PIAS2: variants seen among roughly 807,000 people sequenced by gnomAD.
PIAS2 encodes the protein E3 SUMO-protein ligase PIAS2.
A neutral mutation model predicts 69.7 loss-of-function variants in PIAS2; 19 were observed. The ratio of observed to expected loss-of-function variants is 0.27; its 90% CI spans 0.19 to 0.40. The LOEUF is 0.40. Ranked by LOEUF, PIAS2 falls within the 10% of genes least tolerant of loss-of-function variation. The probability of loss-of-function intolerance (pLI) is 1.00; values close to 1 mark genes in which losing one functional copy is unlikely to be tolerated. For missense variants in PIAS2, 624 were observed against 757.0 expected, an observed-to-expected ratio of 0.82 and a Z score of 2.06; for synonymous variants, 261 against 263.2, an observed-to-expected ratio of 0.99 and a Z score of 0.08.
chr18:46,838,366 G>A (rs1287715819), intron 8 of PIAS2, among the ~76,000 whole-genome samples: 2 of 152,148 alleles, frequency 1.3e-5, no homozygotes, highest in Non-Finnish European at 2.9e-5. Context: ...AAGGCACAAA[G>A]AAGCTAAGTA....
intron 1 of PIAS2, among the ~76,000 whole-genome samples, chr18:46,900,377 GATAAT>G (rs1434713528): frequency 2.0e-5 from 3 of 149,520 alleles, no homozygotes; most frequent in Non-Finnish European, 4.4e-5. Flanking sequence ...AAAAAAAAAA[GATAAT>G]ATAGGCAAGG....
chr18:46,838,459 T>C (rs2044780867), intron 8 of PIAS2, among the ~76,000 whole-genome samples: 1 of 152,218 alleles, frequency 6.6e-6, no homozygotes. Flanking sequence ...CTCTCACTGC[T>C]ATACTGCCTC....
At position 46,839,261 on chromosome 18, in the gene PIAS2, T is replaced by G. The variant is rs376646380; in HGVS notation, c.1042-2744A>C. On this transcript the variant is annotated intron_variant, in intron 8 of 13. Transcript: ENST00000585916. Reference sequence around the variant, plus strand: ...TAAAATAAGACCAATCTACACATACTAATATACTTAAGATACACTGTTAAT... The same window carrying G: ...TAAAATAAGACCAATCTACACATACGAATATACTTAAGATACACTGTTAAT... 2.6e-5 allele frequency among the ~76,000 whole-genome samples: 4 copies of G among 152,248 alleles called. No homozygotes were observed. In the East Asian group the frequency reaches 5.8e-4, roughly 22 times the overall value.
chr18:46,910,492 G>A (rs1357352757), intron 1 of PIAS2, among the ~76,000 whole-genome samples: 1 of 152,176 alleles, frequency 6.6e-6, no homozygotes, highest in Non-Finnish European at 1.5e-5. Flanking sequence ...ATTCAGGGAA[G>A]TGTCTCAAGA....
chr18:46,896,165 C>CA (rs1199712335), intron 1 of PIAS2, among the ~76,000 whole-genome samples: 3,053 of 31,840 alleles, frequency 0.096, 61 homozygotes, highest in Middle Eastern at 0.16. Flanking sequence ...AAGAAAAAAG[C>CA]AAAAAAAAAA....
intron 6 of PIAS2, among the ~76,000 whole-genome samples, chr18:46,846,057 A>G (rs2046124912): frequency 6.6e-6 from 1 of 152,208 alleles, no homozygotes; most frequent in Non-Finnish European, 1.5e-5. Context: ...ATGGTCAGAA[A>G]TTAACTGAAA....
intron 3 of PIAS2, among the ~76,000 whole-genome samples, chr18:46,859,427 C>CAAAAAAAAAAAAAAAAAA (rs55776913): frequency 1.1e-5 from 1 of 89,544 alleles, no homozygotes; most frequent in Non-Finnish European, 2.0e-5. Flanking sequence ...GACTCCGTCT[C>CAAAAAAAAAAAAAAAAAA]AAAAAAAAAA....
At chr18:46,888,047 A>C (rs1268425531) in intron 2 of PIAS2, among the ~76,000 whole-genome samples, 2 of 152,224 alleles carry the variant, frequency 1.3e-5, no homozygotes, top group African/African-American at 4.8e-5. Context: ...CGCAAAAATC[A>C]ATTGCATTTT....
chr18:46,896,760 C>T (rs1166266881), intron 1 of PIAS2, among the ~76,000 whole-genome samples: 1 of 152,128 alleles, frequency 6.6e-6, no homozygotes, highest in African/African-American at 2.4e-5. Context: ...ATTTACAAAC[C>T]AATATTAACA....
rs2040652535 is a variant in PIAS2, at chr18:46,805,670, G to A, written c.*6763C>T. On this transcript the variant is annotated 3_prime_UTR_variant, in exon 14 of 14. Coordinates refer to ENST00000585916, the MANE Select transcript of PIAS2 (RefSeq NM_004671.5). ...AATTTGTAATGGGCAAGGCAGTGAAGAGAAAAATCAAAAGAAAAGGCTAAG... is the reference window on the plus strand; with the variant it reads ...AATTTGTAATGGGCAAGGCAGTGAAAAGAAAAATCAAAAGAAAAGGCTAAG... 1 of 152,350 alleles carries A rather than the reference G, an allele frequency of 6.6e-6. No individual in the cohort carries two copies. The highest frequency in any genetic ancestry group is 2.1e-4 in the South Asian group (1 of 4,836). 9.4% of individuals were successfully genotyped at this position (152,350 alleles called of 1,614,324 possible). A position where few individuals can be genotyped will look rare whatever the true frequency, so the allele number is the denominator to read the frequency against.
At chr18:46,818,803 A>G (rs1479994786) in intron 12 of PIAS2, among the ~76,000 whole-genome samples, 1 of 152,144 alleles carries the variant, frequency 6.6e-6, no homozygotes, top group Non-Finnish European at 1.5e-5. Context: ...CTTTTCAATA[A>G]TAACAACCAG....
At chr18:46,836,169 T>C (rs1193214144) in intron 9 of PIAS2, 188 bp downstream of exon 9, 4 of 483,482 alleles carry the variant, frequency 8.3e-6, no homozygotes, top group Non-Finnish European at 1.5e-5. Context: ...GAGATAAAAA[T>C]GCCACTAACC....
In PIAS2 at chr18:46,892,903, G is replaced by A. The variant is rs1598900844; in HGVS notation, c.25-1849C>T. ...ATAATCATTTTTTAAAGTGTCAGTG[G>A]GATTTTTTTTATACTAAGTCTTCAA... is the stretch of plus-strand genomic sequence containing the variant. On this transcript the variant is annotated intron_variant, in intron 1 of 13. Coordinates refer to ENST00000585916, the MANE Select transcript of PIAS2 (RefSeq NM_004671.5). Among the ~76,000 whole-genome samples, 5 of 3,672 alleles carry A rather than the reference G, an allele frequency of 1.4e-3. No homozygotes were observed. In the South Asian group the frequency reaches 0.15, roughly 108 times the overall value. 2.4% of individuals were successfully genotyped at this position (3,672 alleles called of 152,430 possible).
At chr18:46,868,393 C>T (rs1389211389) in intron 2 of PIAS2, among the ~76,000 whole-genome samples, 2 of 152,146 alleles carry the variant, frequency 1.3e-5, no homozygotes, top group Admixed American at 6.5e-5. Context: ...CTGTAAGCTC[C>T]CCCTCTTGCT....
Position 46,893,438 on chromosome 18 carries a change from T to G in PIAS2, c.25-2384A>C, listed in dbSNP as rs538182292. 1.3e-4 allele frequency: 123 copies of G among 979,696 alleles called. No homozygotes were observed. The African/African-American group carries it at 2.0e-3, about 16-fold the overall frequency. The allele number at this position is 979,696 out of a possible 1,614,324, so 60.7% of individuals were successfully genotyped here. A position where few individuals can be genotyped will look rare whatever the true frequency, so the allele number is the denominator to read the frequency against. On this transcript the variant is annotated intron_variant, in intron 1 of 13. Coordinates refer to ENST00000585916, the MANE Select transcript of PIAS2 (RefSeq NM_004671.5). The stretch of plus-strand genomic sequence containing the variant: ...AGCACAAAGTCATCCTACCTAAGCT[T>G]GACTCTCAGAGGAATTTCTAGGAGG...
At chr18:46,904,699 C>T (rs374317895) in intron 1 of PIAS2, among the ~76,000 whole-genome samples, 5 of 150,292 alleles carry the variant, frequency 3.3e-5, no homozygotes, top group African/African-American at 9.8e-5. Flanking sequence ...TGCAGTGAGC[C>T]GAGATCGCGC....
At chr18:46,840,446 G>A (rs930149971) in intron 8 of PIAS2, among the ~76,000 whole-genome samples, 1 of 152,156 alleles carries the variant, frequency 6.6e-6, no homozygotes, top group Admixed American at 6.5e-5. Flanking sequence ...TTTTCAAAGA[G>A]TGTCAGGGAC....
At chr18:46,919,638 G>A (rs921169612), upstream of PIAS2, among the ~76,000 whole-genome samples, 30 of 152,312 alleles carry the variant, frequency 2.0e-4, no homozygotes, top group African/African-American at 7.2e-4. Flanking sequence ...AACAGAGTGA[G>A]ACTTTGTCTC....
intron 2 of PIAS2, among the ~76,000 whole-genome samples, chr18:46,881,449 A>AT (rs1478987262): frequency 6.6e-6 from 1 of 152,240 alleles, no homozygotes; most frequent in Non-Finnish European, 1.5e-5. Flanking sequence ...ATATTGCTAT[A>AT]TAGATGCAAT....
Sources: gnomAD v4.1 joint callset for allele counts (sites outside exome capture counted in the v4.1 genomes callset) on GRCh38, gnomAD v4.1.1 for gene constraint, MANE v1.5 for transcripts, NCBI Gene and HGNC (gene_info 2026-07-23, HGNC 2026-07-21) for gene names.